The following KAZN variants were observed in gnomAD, a reference collection of about 807,000 sequenced individuals.
The protein encoded by KAZN is kazrin, periplakin interacting protein.
KAZN carries 40 observed loss-of-function variants against 87.4 expected under a neutral mutation model. That is an observed-to-expected ratio of 0.46 (90% CI 0.36 to 0.60). KAZN has a LOEUF of 0.60. Among genes scored for constraint, KAZN ranks in the 20% least tolerant of loss-of-function variants. The probability of loss-of-function intolerance (pLI) is 0.00; values close to 1 mark genes in which losing one functional copy is unlikely to be tolerated. For missense variants in KAZN, 898 were observed against 1,073.9 expected (o/e 0.84, Z 2.29); for synonymous variants, 466 against 458.3 (o/e 1.02, Z -0.22).
In KAZN at chr1:14,448,926, C is replaced by T. The variant is rs574580691; in HGVS notation, c.250-150057C>T. 4.5e-4 allele frequency among the ~76,000 whole-genome samples: 68 copies of T among 152,314 alleles called. 1 individual carries two copies. In the South Asian group the frequency reaches 0.012, roughly 26 times the overall value. ...AGAACTGGAGGAAGCTAGAATGCAT[C>T]TTACCCAATCCCCTTATTATACAGA... On this transcript the variant is annotated intron_variant, in intron 2 of 16. Coordinates refer to the KAZN transcript ENST00000636203.
chr1:14,308,761 C>T (rs1009606777), intron 2 of KAZN, among the ~76,000 whole-genome samples: 1 of 121,698 alleles, frequency 8.2e-6, no homozygotes, highest in Non-Finnish European at 1.9e-5. Context: ...AGACTAGAAC[C>T]TCGTGCCTCA....
At chr1:15,082,384 G>A (rs1258720326) in intron 8 of KAZN, among the ~76,000 whole-genome samples, 1 of 152,206 alleles carries the variant, frequency 6.6e-6, no homozygotes, top group Non-Finnish European at 1.5e-5. Context: ...CAGATGCCAG[G>A]GAGGTGCCAA....
chr1:13,998,234 T>C (rs1639616514), intron 1 of KAZN, among the ~76,000 whole-genome samples: 1 of 152,018 alleles, frequency 6.6e-6, no homozygotes, highest in Non-Finnish European at 1.5e-5. Flanking sequence ...GCTCTAAACA[T>C]GGAAAGGAAA....
chr1:15,106,063 T>G (rs1479024512), intron 13 of KAZN, among the ~76,000 whole-genome samples: 1 of 152,054 alleles, frequency 6.6e-6, no homozygotes, highest in Non-Finnish European at 1.5e-5. Context: ...GAGGATTGCT[T>G]GAGTCCAGGA....
intron 2 of KAZN, among the ~76,000 whole-genome samples, chr1:15,022,645 T>A (rs755953863): frequency 2.6e-5 from 4 of 152,166 alleles, no homozygotes; most frequent in Non-Finnish European, 2.9e-5. Flanking sequence ...CAGTTGCCAA[T>A]GTGGAAACAT....
chr1:14,221,974 G>T (rs1037762990), intron 2 of KAZN: 2 of 152,112 alleles, frequency 1.3e-5, no homozygotes, highest in African/African-American at 2.4e-5. Context: ...CTTGTGATTC[G>T]TGATGTTTGG....
At chr1:14,479,074 T>C (rs1668929107) in intron 2 of KAZN, among the ~76,000 whole-genome samples, 1 of 152,206 alleles carries the variant, frequency 6.6e-6, no homozygotes, top group Non-Finnish European at 1.5e-5. Context: ...CTGAAGTGTT[T>C]ATCCGCCGGC....
intron 1 of KAZN, among the ~76,000 whole-genome samples, chr1:14,934,505 C>A (rs1660225746): frequency 6.6e-6 from 1 of 152,254 alleles, no homozygotes; most frequent in African/African-American, 2.4e-5. Flanking sequence ...GCGCCCGGCC[C>A]TCCTTTTTCA....
intron 1 of KAZN, among the ~76,000 whole-genome samples, chr1:14,025,451 C>T (rs1641028725): frequency 1.3e-5 from 2 of 152,124 alleles, no homozygotes; most frequent in African/African-American, 4.8e-5. Context: ...ATGTCTTAAC[C>T]CTAAGACAAA....
At chr1:14,338,926 A>G (rs888501851) in intron 2 of KAZN, among the ~76,000 whole-genome samples, 4 of 152,242 alleles carry the variant, frequency 2.6e-5, no homozygotes, top group African/African-American at 9.6e-5. Context: ...GAGAGCCATG[A>G]TGGAAGGGGA....
intron 2 of KAZN, among the ~76,000 whole-genome samples, chr1:14,492,813 C>A (rs1669745156): frequency 2.3e-5 from 2 of 85,598 alleles, no homozygotes; most frequent in African/African-American, 4.3e-5. Context: ...TCACATCACA[C>A]ATATACCGCC....
At chr1:14,467,421 A>G (rs1291920418) in intron 2 of KAZN, among the ~76,000 whole-genome samples, 2 of 152,000 alleles carry the variant, frequency 1.3e-5, no homozygotes, top group African/African-American at 4.8e-5. Context: ...TGGTAGAATA[A>G]AAAAGACTTA....
At chr1:14,323,141 A>T (rs1656163853) in intron 2 of KAZN, among the ~76,000 whole-genome samples, 1 of 150,656 alleles carries the variant, frequency 6.6e-6, no homozygotes, top group African/African-American at 2.5e-5. Flanking sequence ...CCCTTGACAC[A>T]CAGGGATTAT....
intron 1 of KAZN, among the ~76,000 whole-genome samples, chr1:14,787,126 A>G (rs1645531923): frequency 6.6e-6 from 1 of 152,216 alleles, no homozygotes; most frequent in Non-Finnish European, 1.5e-5. Flanking sequence ...TTTGATTCTG[A>G]GTTCAAGTCT....
intron 1 of KAZN, among the ~76,000 whole-genome samples, chr1:14,104,110 A>G (rs945349357): frequency 2.6e-5 from 4 of 152,172 alleles, no homozygotes; most frequent in African/African-American, 9.7e-5. Flanking sequence ...CCTTGTCTAC[A>G]CCCAGACAGG....
At position 14,608,705 on chromosome 1, in the gene KAZN, TA is replaced by T. The variant is rs200560481; in HGVS notation, c.226+9491del. 1.7e-3 allele frequency among the ~76,000 whole-genome samples: 258 copies of T among 151,716 alleles called. 1 individual carries two copies. The highest frequency in any genetic ancestry group is 6.1e-3 in the African/African-American group (251 of 41,378). ...TTTCTGTCCTCTTTTCAAAGAGAGTTAAAAAAAAAGATGTGAATTTCAGGAC... is the reference window on the plus strand; with the variant it reads ...TTTCTGTCCTCTTTTCAAAGAGAGTTAAAAAAAAGATGTGAATTTCAGGAC... On this transcript the variant is annotated intron_variant, in intron 1 of 14. Transcript: ENST00000376030.
chr1:13,981,340 A>G (rs12069396), intron 1 of KAZN, among the ~76,000 whole-genome samples: 7,201 of 149,276 alleles, frequency 0.048, 567 homozygotes, highest in African/African-American at 0.17. Context: ...TGATTTAAAT[A>G]TACATTTAAT....
chr1:14,086,542 A>G (rs1248848849), intron 1 of KAZN, among the ~76,000 whole-genome samples: 1 of 152,180 alleles, frequency 6.6e-6, no homozygotes, highest in Non-Finnish European at 1.5e-5. Flanking sequence ...TGTTAAATTT[A>G]TCAATTGTTT....
chr1:14,738,343 GC>G (rs1643975846), intron 1 of KAZN, among the ~76,000 whole-genome samples: 2 of 152,096 alleles, frequency 1.3e-5, no homozygotes, highest in Admixed American at 1.3e-4. Context: ...TGCTTTTGAA[GC>G]TGCCTTTGTG....
Sources: gnomAD v4.1 joint callset for allele counts (sites outside exome capture counted in the v4.1 genomes callset) on GRCh38, gnomAD v4.1.1 for gene constraint, MANE v1.5 for transcripts, NCBI Gene and HGNC (gene_info 2026-07-23, HGNC 2026-07-21) for gene names.